Variants in MYO1A observed in about 807,000 individuals in gnomAD.
The protein encoded by MYO1A is myosin IA.
A neutral mutation model predicts 138.5 loss-of-function variants in MYO1A; 127 were observed. The observed-to-expected ratio is 0.92, with a 90% CI of 0.79 to 1.06. The LOEUF is 1.06. MYO1A is among the 50% of genes least tolerant of loss of function. The pLI is 0.00. For missense variants in MYO1A, 1,211 were observed against 1,288.8 expected (o/e 0.94, Z 0.92); for synonymous variants, 477 against 497.5 (o/e 0.96, Z 0.55).
intron 22 of MYO1A, among the ~76,000 whole-genome samples, chr12:57,031,959 C>T (rs1202555091): frequency 1.3e-5 from 2 of 152,200 alleles, no homozygotes; most frequent in East Asian, 1.9e-4. Context: ...AAGAGCCCAG[C>T]CTCATGTCGC....
chr12:57,047,308 A>C lies in MYO1A; in HGVS notation c.425T>G (p.Leu142Arg), dbSNP rs139353461. The C allele has an allele frequency of 5.6e-6, 9 of 1,613,786 alleles. No individual in the cohort carries two copies. In the Admixed American group the frequency reaches 1.5e-4, roughly 27 times the overall value. Residue 142 changes from leucine to arginine, a missense_variant, in exon 5 of 28, where the codon CTG (leucine) becomes CGG (arginine). By Grantham distance (102) the Leu-to-Arg change is moderately radical (BLOSUM62 -2). Coordinates refer to ENST00000300119, the MANE Select transcript of MYO1A (RefSeq NM_005379.4). ...GCAGAGAGCAGAATTCTCACCCTCCAGCACTGGGTTAGACTGTAGCAGCTG... is the reference window on the plus strand; with the variant it reads ...GCAGAGAGCAGAATTCTCACCCTCCCGCACTGGGTTAGACTGTAGCAGCTG... Reference protein sequence around the residue: ...KEQLLQSNPVLEAFGNAKTIR... With the variant: ...KEQLLQSNPVREAFGNAKTIR...
chr12:57,048,386 A>T lies in MYO1A; in HGVS notation c.-20-43T>A, dbSNP rs961109647. ...AGTTTGCTGATGTCCACTCAGCTTTAGGGGCCAGTAACTGTTTGAGGGGAG... is the reference window on the plus strand; with the variant it reads ...AGTTTGCTGATGTCCACTCAGCTTTTGGGGCCAGTAACTGTTTGAGGGGAG... On this transcript the variant is annotated intron_variant, in intron 1 of 27. Transcript: ENST00000300119. 22 of 1,161,880 alleles carry T rather than the reference A, an allele frequency of 1.9e-5. No homozygotes were observed. The Middle Eastern group carries it at 8.7e-4, about 46-fold the overall frequency. The allele number at this position is 1,161,880 out of a possible 1,614,324, so 72.0% of individuals were successfully genotyped here.
At chr12:57,029,991 G>A (rs2030195874) in intron 24 of MYO1A, 119 bp from the exon 25 acceptor site, 1 of 1,512,150 alleles carries the variant, frequency 6.6e-7, no homozygotes, top group Admixed American at 1.7e-5. Flanking sequence ...CTCTGTCAGT[G>A]TCCACAGAGC....
At position 57,036,347 on chromosome 12, in the gene MYO1A, T is replaced by G. The variant is rs1740413956; in HGVS notation, c.2309A>C (p.Glu770Ala). 6.2e-7 allele frequency: 1 copy of G among 1,613,760 alleles called. No individual in the cohort carries two copies. The highest frequency in any genetic ancestry group is 1.7e-5 in the Admixed American group (1 of 59,980). ...GAAATCTGCCAAGGTGAGGGCAGCC[T>G]CTGACCGGAAATATTTGCGATAATT... ...RKNYRKYFRS[E>A]AALTLADFIY... The change falls in exon 22 of 28, where the codon GAG becomes GCG. Residue 770 changes from glutamate (E) to alanine (A), a missense_variant. Coordinates refer to ENST00000300119, the MANE Select transcript of MYO1A (RefSeq NM_005379.4).
Position 57,048,094 on chromosome 12 carries a change from C to G in MYO1A, c.125G>C (p.Gly42Ala). The G allele has an allele frequency of 6.2e-7, 1 of 1,613,878 alleles. No homozygotes were observed. The highest frequency in any genetic ancestry group is 8.5e-7 in the Non-Finnish European group (1 of 1,179,766). Residue 42 changes from glycine to alanine, a missense_variant, in exon 3 of 28, where the codon GGG becomes GCG. Coordinates refer to ENST00000300119, the MANE Select transcript of MYO1A (RefSeq NM_005379.4). The part of the protein sequence containing the change: ...YENKEIYTYI[G>A]NVVISVNPYQ... ...GGGATTCACTGAGATCACCACATTC[C>G]CAATGTAGGTCTGGAGCCAGGAAGA... is the stretch of plus-strand genomic sequence containing the variant.
In MYO1A at chr12:57,029,772, C is replaced by A; in HGVS notation, c.2692G>T (p.Ala898Ser). 6.2e-7 allele frequency: 1 copy of A among 1,614,220 alleles called. No homozygotes were observed. Among genetic ancestry groups the A allele is most frequent in the Non-Finnish European group, 8.5e-7 (1 of 1,180,034 alleles). Residue 898 changes from alanine to serine, a missense_variant, in exon 25 of 28, where the codon GCC becomes TCC. Ala to Ser is a moderately conservative substitution (Grantham distance 99). Transcript: ENST00000300119. ...TTGCCACGATTGACCTTCTTCACGG[C>A]CTCTGCCATCAGAACAGGCCCCTCC... Reference protein sequence around the residue: ...GEEGPVLMAEAVKKVNRGNGK... With the variant: ...GEEGPVLMAESVKKVNRGNGK...
chr12:57,039,086 TCTCC>T, intron 15 of MYO1A, 77 bp from the exon 16 acceptor site: 1 of 1,568,324 alleles, frequency 6.4e-7, no homozygotes, highest in Non-Finnish European at 8.7e-7. Context: ...CTGCCCCCTT[TCTCC>T]ACTCTTATCT....
At chr12:57,030,994 G>T in intron 23 of MYO1A, 46 bp downstream of exon 23, 1 of 1,604,072 alleles carries the variant, frequency 6.2e-7, no homozygotes, top group South Asian at 1.1e-5. Flanking sequence ...CAGGGGGAGG[G>T]AAAAAAAAGA....
At position 57,034,204 on chromosome 12, in the gene MYO1A, T is replaced by G. The variant is rs1347082505; in HGVS notation, c.2349+2103A>C. 5.4e-4 allele frequency among the ~76,000 whole-genome samples: 82 copies of G among 152,356 alleles called. 1 individual carries two copies. Among genetic ancestry groups the G allele is most frequent in the Non-Finnish European group, 2.4e-4 (16 of 68,034 alleles). ...TTAAAAGCTCTAGAGTCAAATAGTT[T>G]GTAACCCAGCTTTACCACTTACAGC... On this transcript the variant is annotated intron_variant, in intron 22 of 27. Coordinates refer to ENST00000300119, the MANE Select transcript of MYO1A (RefSeq NM_005379.4).
Position 57,047,612 on chromosome 12 carries a change from A to G in MYO1A, c.325+15T>C, listed in dbSNP as rs1216509421. Reference sequence around the variant, plus strand: ...CAGAGGTGACTCCATGTGTTCCCCCAGCCAGGGGCCTCACCAGTCTTCCCT... The same window carrying G: ...CAGAGGTGACTCCATGTGTTCCCCCGGCCAGGGGCCTCACCAGTCTTCCCT... On this transcript the variant is annotated intron_variant, in intron 4 of 27. Transcript: ENST00000300119. 6.2e-7 allele frequency: 1 copy of G among 1,613,898 alleles called. No homozygotes were observed. Among genetic ancestry groups the G allele is most frequent in the Non-Finnish European group, 8.5e-7 (1 of 1,179,756 alleles).
chr12:57,040,855 T>G (rs1178139872), intron 14 of MYO1A, among the ~76,000 whole-genome samples: 1 of 152,176 alleles, frequency 6.6e-6, no homozygotes, highest in Non-Finnish European at 1.5e-5. Flanking sequence ...GAGAAGGGCA[T>G]AGAAAGAGAT....
chr12:57,043,309 C>T lies in MYO1A; in HGVS notation c.942G>A (p.Glu314=). 1 of 1,614,174 alleles carries T rather than the reference C, an allele frequency of 6.2e-7. No homozygotes were observed. Among genetic ancestry groups the T allele is most frequent in the Middle Eastern group, 1.6e-4 (1 of 6,062 alleles). ...EMVGLNSEEV[E]RALCSRTMET... is the part of the protein sequence containing the mutation. The stretch of plus-strand genomic sequence containing the variant: ...CCATGGTCCTCGAGCACAAAGCTCT[C>T]TCTACTTCTTCTGAATTCAAGCCCA... The change falls in exon 11 of 28, where the codon GAG becomes GAA. Residue 314 remains glutamate, a synonymous_variant. Coordinates refer to ENST00000300119, the MANE Select transcript of MYO1A (RefSeq NM_005379.4).
chr12:57,038,771 T>C (rs2030714000), intron 16 of MYO1A, 38 bp downstream of exon 16: 1 of 1,613,238 alleles, frequency 6.2e-7, no homozygotes, highest in Non-Finnish European at 8.5e-7. Context: ...AGTCTGGGCC[T>C]GAGCCCTAAT....
chr12:57,029,632 C>A, intron 25 of MYO1A, 45 bp from the exon 26 acceptor site: 1 of 1,614,076 alleles, frequency 6.2e-7, no homozygotes, highest in Non-Finnish European at 8.5e-7. Context: ...GGATTAATTG[C>A]CCCCACTCCA....
chr12:57,029,674 G>A, intron 25 of MYO1A, 66 bp downstream of exon 25: 1 of 1,613,998 alleles, frequency 6.2e-7, no homozygotes, highest in Non-Finnish European at 8.5e-7. Flanking sequence ...CCTGCCATCT[G>A]CTCTCCAGAT....
chr12:57,041,371 C>A, intron 13 of MYO1A, 61 bp downstream of exon 13: 3 of 1,584,362 alleles, frequency 1.9e-6, no homozygotes, highest in South Asian at 1.1e-5. Context: ...TCACATCCCC[C>A]CTGTGAGCCT....
intron 22 of MYO1A, among the ~76,000 whole-genome samples, chr12:57,035,512 C>T (rs2030494369): frequency 6.6e-6 from 1 of 152,212 alleles, no homozygotes; most frequent in Non-Finnish European, 1.5e-5. Context: ...AGTCAGGGTC[C>T]TAACTATGGT....
At chr12:57,031,715 A>G (rs1487722678) in intron 22 of MYO1A, among the ~76,000 whole-genome samples, 3 of 152,240 alleles carry the variant, frequency 2.0e-5, no homozygotes, top group Non-Finnish European at 4.4e-5. Context: ...TTCCTCTCTT[A>G]AGCTGAGGGA....
At chr12:57,047,947 A>T in intron 3 of MYO1A, 42 bp downstream of exon 3, 1 of 1,593,808 alleles carries the variant, frequency 6.3e-7, no homozygotes, top group Non-Finnish European at 8.6e-7. Context: ...CAGTGTCAAG[A>T]AGCTGGGGCC....
Sources: gnomAD v4.1 joint callset for allele counts (sites outside exome capture counted in the v4.1 genomes callset) on GRCh38, gnomAD v4.1.1 for gene constraint, MANE v1.5 for transcripts, NCBI Gene and HGNC (gene_info 2026-07-23, HGNC 2026-07-21) for gene names.